KLHDC10: variants seen among roughly 807,000 people sequenced by gnomAD.
The protein encoded by KLHDC10 is kelch domain-containing protein 10.
KLHDC10 carries 24 observed loss-of-function variants against 56.1 expected under a neutral mutation model. The ratio of observed to expected loss-of-function variants is 0.43; its 90% CI spans 0.31 to 0.60. The LOEUF is 0.60. Among genes scored for constraint, KLHDC10 ranks in the 20% least tolerant of loss-of-function variants. KLHDC10 has a pLI of 0.11. For synonymous variants in KLHDC10, 188 were observed against 207.1 expected, an observed-to-expected ratio of 0.91 and a Z score of 0.79; for missense variants, 349 against 567.0, an observed-to-expected ratio of 0.62 and a Z score of 3.91.
Position 130,116,667 on chromosome 7 carries a change from G to A in KLHDC10, c.475+1G>A. On this transcript the variant is annotated splice_donor_variant, in intron 3 of 9. Transcript: ENST00000335420. LOFTEE classifies it high-confidence loss of function. The surrounding 1 kb of genome is among the most constrained non-coding windows in gnomAD (Gnocchi z 4.8). Reference sequence around the variant, plus strand: ...CCCCGGGAATTGGCATCTATGTCACGTGAGTGCAAGCAGTTCGTAACTCCT... The same window carrying A: ...CCCCGGGAATTGGCATCTATGTCACATGAGTGCAAGCAGTTCGTAACTCCT... 1 of 1,612,132 alleles carries A rather than the reference G, an allele frequency of 6.2e-7. No individual in the cohort carries two copies. Among genetic ancestry groups the A allele is most frequent in the Non-Finnish European group, 8.5e-7 (1 of 1,178,410 alleles).
rs1796374651 is a variant in KLHDC10 at position 130,130,014 on chromosome 7, A to G, written c.1119+438A>G. On this transcript the variant is annotated intron_variant, in intron 9 of 9. Coordinates refer to ENST00000335420, the MANE Select transcript of KLHDC10 (RefSeq NM_014997.4). The surrounding 1 kb of genome is among the most constrained non-coding windows in gnomAD (Gnocchi z 4.2). ...TAGTGAAATTGTTTGTTGTTGAAGTAAAAAAAAATTCATATATATAGGCCG... is the reference window on the plus strand; with the variant it reads ...TAGTGAAATTGTTTGTTGTTGAAGTGAAAAAAAATTCATATATATAGGCCG... Among the ~76,000 whole-genome samples, 1 of 151,610 alleles carries G rather than the reference A, an allele frequency of 6.6e-6. No individual in the cohort carries two copies. The highest frequency in any genetic ancestry group is 1.5e-5 in the Non-Finnish European group (1 of 67,910).
At chr7:130,110,937 A>G (rs1796092231) in intron 2 of KLHDC10, among the ~76,000 whole-genome samples, 1 of 152,100 alleles carries the variant, frequency 6.6e-6, no homozygotes, top group African/African-American at 2.4e-5. Context: ...GTTCTTTTAT[A>G]TATTTACATA....
chr7:130,093,300 GCTCAAGCAGTTCTCCTGCC>G (rs147215443), intron 1 of KLHDC10, among the ~76,000 whole-genome samples: 4,208 of 152,138 alleles, frequency 0.028, 199 homozygotes, highest in African/African-American at 0.097. Context: ...TGCCTCCTGG[GCTCAAGCAGTTCTCCTGCC>G]CTCAAGCAGT....
chr7:130,080,188 C>T (rs575447872), intron 1 of KLHDC10, among the ~76,000 whole-genome samples: 1 of 152,100 alleles, frequency 6.6e-6, no homozygotes, highest in Non-Finnish European at 1.5e-5. Flanking sequence ...GTCATCCTCT[C>T]ACCTCAGCCT....
Position 130,135,052 on chromosome 7 carries a change from A to G in KLHDC10, c.*4306A>G, listed in dbSNP as rs1351254055. On this transcript the variant is annotated 3_prime_UTR_variant, in exon 10 of 10. Coordinates refer to ENST00000335420, the MANE Select transcript of KLHDC10 (RefSeq NM_014997.4). Reference sequence around the variant, plus strand: ...AAGTTCTGAGTTGTGCTACAAAAGTAGTTCCATCTTTTTGGTGTAATTTTC... The same window carrying G: ...AAGTTCTGAGTTGTGCTACAAAAGTGGTTCCATCTTTTTGGTGTAATTTTC... 1.4e-5 allele frequency: 2 copies of G among 146,610 alleles called. No individual in the cohort carries two copies. The highest frequency in any genetic ancestry group is 5.1e-5 in the African/African-American group (2 of 39,258). 9.1% of individuals were successfully genotyped at this position (146,610 alleles called of 1,614,324 possible).
At chr7:130,105,842 C>A (rs1329527977) in intron 2 of KLHDC10, among the ~76,000 whole-genome samples, 2 of 152,134 alleles carry the variant, frequency 1.3e-5, no homozygotes, top group African/African-American at 4.8e-5. Context: ...GTTACGTGTT[C>A]TCTTTTTAAT....
intron 2 of KLHDC10, among the ~76,000 whole-genome samples, chr7:130,110,957 T>C (rs1796092592): frequency 6.6e-6 from 1 of 152,174 alleles, no homozygotes; most frequent in African/African-American, 2.4e-5. Context: ...ATTGTTTATA[T>C]ATATTTACAT....
chr7:130,111,570 G>T (rs925118417), intron 2 of KLHDC10, among the ~76,000 whole-genome samples: 8 of 152,080 alleles, frequency 5.3e-5, no homozygotes, highest in African/African-American at 1.9e-4. Flanking sequence ...AAGTAGCTAG[G>T]TGTGGTGGCT....
At chr7:130,099,952 A>G (rs1370560212) in intron 2 of KLHDC10, among the ~76,000 whole-genome samples, 1 of 152,084 alleles carries the variant, frequency 6.6e-6, no homozygotes, top group Non-Finnish European at 1.5e-5. Context: ...GCACGCATGT[A>G]CAATTAGCCG....
chr7:130,115,974 G>A (rs560479170), intron 2 of KLHDC10, among the ~76,000 whole-genome samples: 4 of 152,044 alleles, frequency 2.6e-5, no homozygotes, highest in Non-Finnish European at 4.4e-5. Flanking sequence ...GATTTTGTGT[G>A]TGTGTATTTT....
intron 2 of KLHDC10, among the ~76,000 whole-genome samples, chr7:130,114,756 G>A (rs1796144469): frequency 6.6e-6 from 1 of 152,042 alleles, no homozygotes; most frequent in African/African-American, 2.4e-5. Flanking sequence ...TGAACTGGAA[G>A]GGTTCATTTG....
rs781213083 is a variant in KLHDC10 at position 130,116,684 on chromosome 7, G to A, written c.475+18G>A. The stretch of plus-strand genomic sequence containing the variant: ...TATGTCACGTGAGTGCAAGCAGTTC[G>A]TAACTCCTGACTTTATGAAATGTCT... On this transcript the variant is annotated intron_variant, in intron 3 of 9. Coordinates refer to ENST00000335420, the MANE Select transcript of KLHDC10 (RefSeq NM_014997.4). This position sits in a 1 kb window ranked among gnomAD's most constrained non-coding sequence, Gnocchi z 4.8. 3.9e-5 allele frequency: 62 copies of A among 1,583,448 alleles called. No homozygotes were observed. The highest frequency in any genetic ancestry group is 4.3e-5 in the Non-Finnish European group (50 of 1,152,824).
intron 2 of KLHDC10, among the ~76,000 whole-genome samples, chr7:130,104,320 T>C (rs1795979511): frequency 6.6e-6 from 1 of 152,190 alleles, no homozygotes; most frequent in Non-Finnish European, 1.5e-5. Flanking sequence ...TATAACATTC[T>C]GTAACTAAAA....
chr7:130,106,362 G>T (rs1251547517), intron 2 of KLHDC10, among the ~76,000 whole-genome samples: 1 of 152,018 alleles, frequency 6.6e-6, no homozygotes, highest in Non-Finnish European at 1.5e-5. Context: ...AGTGTTAGGG[G>T]TAATAAGATA....
chr7:130,089,337 G>A (rs1290251150), intron 1 of KLHDC10, among the ~76,000 whole-genome samples: 1 of 152,220 alleles, frequency 6.6e-6, no homozygotes, highest in Admixed American at 6.5e-5. Context: ...GCACATGCCT[G>A]TTGTCTCCCT....
intron 4 of KLHDC10, among the ~76,000 whole-genome samples, chr7:130,121,732 T>C (rs971704711): frequency 6.6e-6 from 1 of 152,202 alleles, no homozygotes; most frequent in Non-Finnish European, 1.5e-5. Context: ...TCAGACTGCT[T>C]ATAAAGAGAA....
rs1795388725 is a variant in KLHDC10 at position 130,070,537 on chromosome 7, C to T, written c.-107C>T. On this transcript the variant is annotated 5_prime_UTR_variant, in exon 1 of 10. Coordinates refer to ENST00000335420, the MANE Select transcript of KLHDC10 (RefSeq NM_014997.4). ...GTCTCTGGTGGGACCGGGCGCTGCC[C>T]CCTTCCCCTGTCTCCTGGGTCTCTG... 6 of 1,101,740 alleles carry T rather than the reference C, an allele frequency of 5.4e-6. No individual in the cohort carries two copies. Among genetic ancestry groups the T allele is most frequent in the Non-Finnish European group, 6.9e-6 (6 of 864,402 alleles). The allele number at this position is 1,101,740 out of a possible 1,614,324, so 68.2% of individuals were successfully genotyped here.
At chr7:130,072,260 T>A (rs904121206) in intron 1 of KLHDC10, among the ~76,000 whole-genome samples, 1 of 152,204 alleles carries the variant, frequency 6.6e-6, no homozygotes, top group Admixed American at 6.5e-5. Context: ...ACGGATTAAT[T>A]ATACCATGGG....
intron 2 of KLHDC10, among the ~76,000 whole-genome samples, chr7:130,101,787 G>A (rs1270463218): frequency 2.0e-5 from 3 of 151,874 alleles, no homozygotes; most frequent in Non-Finnish European, 4.4e-5. Context: ...TAGCTAACAC[G>A]GTGAAACCCC....
Sources: allele counts gnomAD v4.1 joint callset (sites outside exome capture counted in the v4.1 genomes callset), GRCh38; gene constraint gnomAD v4.1.1; non-coding constraint Gnocchi (gnomAD v3.1); transcripts MANE v1.5; gene names NCBI Gene and HGNC (gene_info 2026-07-23, HGNC 2026-07-21).